TSPAN19: variants seen among roughly 807,000 people sequenced by gnomAD.
TSPAN19 encodes the protein tetraspanin-19.
Under a neutral mutation model 35.1 loss-of-function variants are expected in TSPAN19, and 44 were observed. The observed-to-expected ratio is 1.25, with a 90% CI of 0.98 to 1.61. TSPAN19 has a LOEUF of 1.61. TSPAN19 is among the 40% of genes most tolerant of loss of function. The probability of loss-of-function intolerance (pLI) is 0.00; values close to 1 mark genes in which losing one functional copy is unlikely to be tolerated. For synonymous variants in TSPAN19, 79 were observed against 92.0 expected (o/e 0.86, Z 0.81); for missense variants, 290 against 280.0 (o/e 1.04, Z -0.26).
chr12:85,020,491 C>T (rs1877062726), intron 5 of TSPAN19, among the ~76,000 whole-genome samples: 1 of 151,886 alleles, frequency 6.6e-6, no homozygotes, highest in African/African-American at 2.4e-5. Flanking sequence ...GCTCAGAATA[C>T]AACAGCTCCA....
At chr12:85,029,662 A>C in intron 3 of TSPAN19, 57 bp downstream of exon 3, 3 of 1,305,214 alleles carry the variant, frequency 2.3e-6, no homozygotes, top group Non-Finnish European at 3.2e-6. Context: ...TTGTGTATAC[A>C]ACTGTTAAAA....
chr12:85,030,022 A>G (rs1395583789), intron 1 of TSPAN19, 49 bp from the exon 2 acceptor site: 3 of 1,275,402 alleles, frequency 2.4e-6, no homozygotes, highest in Non-Finnish European at 3.1e-6. Flanking sequence ...ACAACTTTAA[A>G]TATTTCTCCC....
In TSPAN19 at chr12:85,017,436, A is replaced by G; in HGVS notation, c.594+20T>C. Reference sequence around the variant, plus strand: ...AACAAAATACTATAAATACTTGTAGAAGCCTAGATTTATCTTTACCTCAAG... The same window carrying G: ...AACAAAATACTATAAATACTTGTAGGAGCCTAGATTTATCTTTACCTCAAG... On this transcript the variant is annotated intron_variant, in intron 7 of 8. Transcript: ENST00000532498. 1 of 1,592,954 alleles carries G rather than the reference A, an allele frequency of 6.3e-7. No individual in the cohort carries two copies. Among genetic ancestry groups the G allele is most frequent in the Non-Finnish European group, 8.5e-7 (1 of 1,170,372 alleles).
At chr12:85,023,787 G>C (rs1286304983) in intron 4 of TSPAN19, among the ~76,000 whole-genome samples, 2 of 152,122 alleles carry the variant, frequency 1.3e-5, no homozygotes. Context: ...TATGCAGAAA[G>C]TAGAACGTAT....
At chr12:85,017,032 TAC>T in intron 7 of TSPAN19, 1 of 162,144 alleles carries the variant, frequency 6.2e-6, no homozygotes, top group South Asian at 1.8e-4. Context: ...TTGCTTCTGC[TAC>T]ACTTACTTGA....
At chr12:85,030,035 C>A in intron 1 of TSPAN19, 62 bp from the exon 2 acceptor site, 1 of 1,217,764 alleles carries the variant, frequency 8.2e-7, no homozygotes, top group Non-Finnish European at 1.1e-6. Context: ...TTTCTCCCTA[C>A]TTATGTTCTT....
At chr12:85,025,805 G>A (rs912641686) in intron 4 of TSPAN19, among the ~76,000 whole-genome samples, 35 of 176 alleles carry the variant, frequency 0.2, no homozygotes, top group South Asian at 0.5. Flanking sequence ...GATTACAGGC[G>A]TGAGCACCGC....
chr12:85,022,649 G>A (rs1341503772), intron 5 of TSPAN19, among the ~76,000 whole-genome samples: 1 of 152,026 alleles, frequency 6.6e-6, no homozygotes, highest in Non-Finnish European at 1.5e-5. Context: ...ATTCATATCT[G>A]TATGACTTCA....
In TSPAN19 at chr12:85,027,886, A is replaced by G; in HGVS notation, c.264+13T>C. ...TAAGACAAAAATTCAAACTATTGAC[A>G]TGAAATACGTACCACAATTAGGAGC... On this transcript the variant is annotated intron_variant, in intron 4 of 8. Transcript: ENST00000532498. The G allele has an allele frequency of 6.4e-7, 1 of 1,550,792 alleles. No homozygotes were observed. Among genetic ancestry groups the G allele is most frequent in the Non-Finnish European group, 8.7e-7 (1 of 1,150,036 alleles).
intron 4 of TSPAN19, among the ~76,000 whole-genome samples, chr12:85,026,127 AG>A (rs1877397829): frequency 6.6e-6 from 1 of 152,136 alleles, no homozygotes; most frequent in Non-Finnish European, 1.5e-5. Flanking sequence ...GCAGAAACTT[AG>A]GAAATGTTTG....
intron 1 of TSPAN19, among the ~76,000 whole-genome samples, chr12:85,032,594 A>T (rs1877737621): frequency 6.6e-6 from 1 of 152,160 alleles, no homozygotes; most frequent in African/African-American, 2.4e-5. Context: ...CATCCAAGCA[A>T]CGATTCAAAG....
At chr12:85,032,445 T>A (rs185201965) in intron 1 of TSPAN19, among the ~76,000 whole-genome samples, 1 of 152,180 alleles carries the variant, frequency 6.6e-6, no homozygotes, top group Admixed American at 6.6e-5. Context: ...TGGTGTCATA[T>A]CATGGTGTTA....
intron 1 of TSPAN19, among the ~76,000 whole-genome samples, chr12:85,033,839 T>C (rs1877791932): frequency 6.6e-6 from 1 of 152,092 alleles, no homozygotes; most frequent in Admixed American, 6.6e-5. Context: ...AAAGAGATGT[T>C]GTGAAAATTA....
chr12:85,032,742 GT>G lies in TSPAN19; in HGVS notation c.-27-2770del, dbSNP rs144140893. ...AACACAAAGATACACAGTAAGTTAAGTGTAGTTCTTATTTAAATATTTGTAG... is the reference window on the plus strand; with the variant it reads ...AACACAAAGATACACAGTAAGTTAAGGTAGTTCTTATTTAAATATTTGTAG... On this transcript the variant is annotated intron_variant, in intron 1 of 8. Transcript: ENST00000532498. Among the ~76,000 whole-genome samples, 2,024 of 152,280 alleles carry G rather than the reference GT, an allele frequency of 0.013. 113 individuals are homozygous for G. The East Asian group carries it at 0.2, about 15-fold the overall frequency.
chr12:85,022,724 C>A (rs1038237947), intron 5 of TSPAN19, among the ~76,000 whole-genome samples: 4 of 152,060 alleles, frequency 2.6e-5, no homozygotes, highest in African/African-American at 9.7e-5. Context: ...CTTGACTGAA[C>A]TGAAATACTG....
chr12:85,021,366 T>C (rs1877114151), intron 5 of TSPAN19, among the ~76,000 whole-genome samples: 1 of 152,038 alleles, frequency 6.6e-6, no homozygotes, highest in South Asian at 2.1e-4. Context: ...TAGTTACTTA[T>C]ATATCTGTAT....
At chr12:85,032,032 C>CATGTAGG (rs1877709218) in intron 1 of TSPAN19, among the ~76,000 whole-genome samples, 1 of 151,964 alleles carries the variant, frequency 6.6e-6, no homozygotes, top group South Asian at 2.1e-4. Context: ...CAGAAAGATT[C>CATGTAGG]ATGTAGGATG....
At chr12:85,024,091 G>A (rs955893163) in intron 4 of TSPAN19, among the ~76,000 whole-genome samples, 1 of 152,084 alleles carries the variant, frequency 6.6e-6, no homozygotes, top group Admixed American at 6.5e-5. Flanking sequence ...GTGAGGAGAG[G>A]GTAGAGAGAA....
intron 6 of TSPAN19, among the ~76,000 whole-genome samples, chr12:85,018,493 T>C (rs959092654): frequency 2.0e-5 from 3 of 151,894 alleles, no homozygotes; most frequent in Non-Finnish European, 2.9e-5. Context: ...GACAGAATTG[T>C]TTCCTCATCA....
Sources: gnomAD v4.1 joint callset for allele counts (sites outside exome capture counted in the v4.1 genomes callset) on GRCh38, gnomAD v4.1.1 for gene constraint, MANE v1.5 for transcripts, NCBI Gene and HGNC (gene_info 2026-07-23, HGNC 2026-07-21) for gene names.